Variants in ITFG1 observed in about 807,000 individuals in gnomAD.
ITFG1 encodes T-cell immunomodulatory protein.
A neutral mutation model predicts 81.8 loss-of-function variants in ITFG1; 34 were observed. The ratio of observed to expected loss-of-function variants is 0.42; its 90% CI spans 0.32 to 0.55. The LOEUF (loss-of-function observed/expected upper bound fraction) is 0.55. Ranked by LOEUF, ITFG1 falls within the 20% of genes least tolerant of loss-of-function variation. ITFG1 has a pLI of 0.17. For missense variants in ITFG1, 672 were observed against 755.4 expected (o/e 0.89, Z 1.29); for synonymous variants, 285 against 270.6 (o/e 1.05, Z -0.52).
chr16:47,182,841 A>G (rs940384452), intron 14 of ITFG1, among the ~76,000 whole-genome samples: 1 of 152,230 alleles, frequency 6.6e-6, no homozygotes, highest in Non-Finnish European at 1.5e-5. Context: ...TGATTTCTGC[A>G]TTTCCATCTG....
intron 6 of ITFG1, among the ~76,000 whole-genome samples, chr16:47,385,907 T>C (rs1968455563): frequency 6.6e-6 from 1 of 152,218 alleles, no homozygotes; most frequent in South Asian, 2.1e-4. Context: ...TGTAAATTGA[T>C]CATATTTAAC....
intron 5 of ITFG1, among the ~76,000 whole-genome samples, 164 bp downstream of exon 5, chr16:47,451,232 G>A (rs546376773): frequency 1.6e-4 from 25 of 152,104 alleles, no homozygotes; most frequent in Non-Finnish European, 3.4e-4. Flanking sequence ...TGGAAAGCAG[G>A]TGCAGGCCAA....
intron 12 of ITFG1, among the ~76,000 whole-genome samples, chr16:47,258,038 A>G (rs1337569208): frequency 6.6e-6 from 1 of 152,228 alleles, no homozygotes; most frequent in African/African-American, 2.4e-5. Flanking sequence ...AAAGCCTATT[A>G]ATGTAATATC....
At chr16:47,334,457 T>G (rs1484167494) in intron 8 of ITFG1, among the ~76,000 whole-genome samples, 1 of 152,180 alleles carries the variant, frequency 6.6e-6, no homozygotes, top group African/African-American at 2.4e-5. Context: ...ATACATTTTA[T>G]TCTATATTAA....
At chr16:47,434,160 A>G (rs914906496) in intron 5 of ITFG1, among the ~76,000 whole-genome samples, 14 of 151,810 alleles carry the variant, frequency 9.2e-5, no homozygotes, top group Non-Finnish European at 1.9e-4. Flanking sequence ...CAAATATTTC[A>G]TGATGAAAAT....
intron 3 of ITFG1, 65 bp downstream of exon 3, chr16:47,453,948 A>C: frequency 9.7e-7 from 1 of 1,031,208 alleles, no homozygotes; most frequent in Non-Finnish European, 1.4e-6. Context: ...ATTTCAGAAC[A>C]ATATTTTGTT....
intron 6 of ITFG1, among the ~76,000 whole-genome samples, chr16:47,414,698 T>C (rs572375066): frequency 5.3e-5 from 8 of 152,196 alleles, no homozygotes; most frequent in Admixed American, 4.6e-4. Flanking sequence ...AAAAGGAAAA[T>C]GTGCATGTAT....
chr16:47,272,580 G>A (rs1382098218), intron 10 of ITFG1, among the ~76,000 whole-genome samples: 4 of 152,082 alleles, frequency 2.6e-5, no homozygotes, highest in Non-Finnish European at 5.9e-5. Flanking sequence ...ATTTTTAGTA[G>A]AGATGGGGTT....
intron 10 of ITFG1, among the ~76,000 whole-genome samples, chr16:47,280,321 G>T (rs150923258): frequency 1.1e-4 from 17 of 152,158 alleles, no homozygotes; most frequent in African/African-American, 1.9e-4. Flanking sequence ...GTTTTATCAT[G>T]AATGCATTGA....
In ITFG1 at chr16:47,155,701, T is replaced by C. The variant is rs753386582; in HGVS notation, c.*18A>G. ...AATCAAGTGAACAGCCATTCCATTA[T>C]GTAATATTAAAGGCAAGTCACATAG... On this transcript the variant is annotated 3_prime_UTR_variant, in exon 18 of 18. Transcript: ENST00000320640. The C allele has an allele frequency of 4.4e-6, 7 of 1,573,928 alleles. No homozygotes were observed. Among genetic ancestry groups the C allele is most frequent in the South Asian group, 1.1e-5 (1 of 87,408 alleles).
chr16:47,265,176 TTA>T (rs1183483605), intron 10 of ITFG1, among the ~76,000 whole-genome samples: 194 of 6,284 alleles, frequency 0.031, 1 homozygote, highest in Non-Finnish European at 0.1. Context: ...TCCCAGCCTT[TTA>T]TTTTTTTTTT....
In ITFG1 at chr16:47,162,588, A is replaced by G. The variant is rs1434931707; in HGVS notation, c.1530T>C (p.Asn510=). The change falls in exon 15 of 18, where the codon AAT becomes AAC. Residue 510 remains asparagine, a synonymous_variant. Coordinates refer to ENST00000320640, the MANE Select transcript of ITFG1 (RefSeq NM_030790.5). The stretch of plus-strand genomic sequence containing the variant: ...TACCAACGTAGAGATGGTCAAGAAA[A>G]TTTGCGCTCCGACCTAAACCAAGCA... ...YNVLGLGRSA[N]FLDHLYVGIP... 6.2e-7 allele frequency: 1 copy of G among 1,612,556 alleles called. No homozygotes were observed. The highest frequency in any genetic ancestry group is 8.5e-7 in the Non-Finnish European group (1 of 1,179,156).
chr16:47,430,731 G>T (rs1276341602), intron 5 of ITFG1, among the ~76,000 whole-genome samples: 2 of 152,110 alleles, frequency 1.3e-5, no homozygotes, highest in Non-Finnish European at 2.9e-5. Context: ...ATGGATGAAA[G>T]AACTAAAAGG....
intron 6 of ITFG1, among the ~76,000 whole-genome samples, chr16:47,407,298 T>C (rs1008675388): frequency 6.6e-6 from 1 of 152,146 alleles, no homozygotes; most frequent in African/African-American, 2.4e-5. Context: ...ATGAGCAGGA[T>C]TTCCTTGCAG....
chr16:47,406,627 C>T (rs1339065853), intron 6 of ITFG1, among the ~76,000 whole-genome samples: 1 of 151,902 alleles, frequency 6.6e-6, no homozygotes, highest in Non-Finnish European at 1.5e-5. Flanking sequence ...GACAGTGAAC[C>T]GAAGAAACAA....
At chr16:47,365,490 C>T (rs986916535) in intron 8 of ITFG1, 27 of 278,402 alleles carry the variant, frequency 9.7e-5, no homozygotes, top group Non-Finnish European at 1.7e-4. Context: ...GAAGAATTTA[C>T]GGTAATTAAT....
At chr16:47,411,412 C>G (rs933659927) in intron 6 of ITFG1, among the ~76,000 whole-genome samples, 1 of 152,130 alleles carries the variant, frequency 6.6e-6, no homozygotes, top group Non-Finnish European at 1.5e-5. Context: ...CAGAAGGAGA[C>G]TGGTGGAGGG....
intron 6 of ITFG1, among the ~76,000 whole-genome samples, chr16:47,413,981 C>G (rs1007067855): frequency 6.6e-6 from 1 of 151,784 alleles, no homozygotes; most frequent in African/African-American, 2.4e-5. Flanking sequence ...CCCCCATGCC[C>G]GGCTAATTTT....
chr16:47,164,157 G>T (rs959582558), intron 14 of ITFG1, among the ~76,000 whole-genome samples: 2 of 141,568 alleles, frequency 1.4e-5, no homozygotes, highest in African/African-American at 5.2e-5. Context: ...TTGTTGTTTT[G>T]TTACTGTTTA....
Sources: allele counts gnomAD v4.1 joint callset (sites outside exome capture counted in the v4.1 genomes callset), GRCh38; gene constraint gnomAD v4.1.1; transcripts MANE v1.5; gene names NCBI Gene and HGNC (gene_info 2026-07-23, HGNC 2026-07-21).